Variants in PLEKHM2 observed in about 807,000 individuals in gnomAD.
PLEKHM2 encodes pleckstrin homology and RUN domain containing M2.
A neutral mutation model predicts 116.3 loss-of-function variants in PLEKHM2; 77 were observed. The observed-to-expected ratio is 0.66, with a 90% CI of 0.55 to 0.80. The LOEUF (loss-of-function observed/expected upper bound fraction) is 0.80, where lower values mean the gene tolerates loss of function less well. Among genes scored for constraint, PLEKHM2 ranks in the 30% least tolerant of loss-of-function variants. The pLI is 0.00. For missense variants in PLEKHM2, 1,183 were observed against 1,354.9 expected (o/e 0.87, Z 1.99); for synonymous variants, 562 against 571.0 (o/e 0.98, Z 0.22).
At chr1:15,704,611 C>T (rs1641184040) in intron 1 of PLEKHM2, among the ~76,000 whole-genome samples, 1 of 152,218 alleles carries the variant, frequency 6.6e-6, no homozygotes, top group Non-Finnish European at 1.5e-5. Flanking sequence ...GTTCCAGCTG[C>T]CTCATCACTG....
rs1259078265 is a variant in PLEKHM2 at position 15,729,809 on chromosome 1, T to G, written c.2088T>G (p.Ala696=). ...ADVALAEFFL[A]SLKSAMIKGC... ...ACTCCCTATGCAGGTTCTTTTTGGC[T>G]TCTTTGAAGTCAGCCATGATCAAAG... The change falls in exon 14 of 20, where the codon GCT becomes GCG. Residue 696 remains alanine, a synonymous_variant. Transcript: ENST00000375799. This position sits in a 1 kb window ranked among gnomAD's most constrained non-coding sequence, Gnocchi z 4.7. The G allele has an allele frequency of 3.7e-6, 6 of 1,612,162 alleles. No individual in the cohort carries two copies. Among genetic ancestry groups the G allele is most frequent in the Non-Finnish European group, 5.1e-6 (6 of 1,179,262 alleles).
In PLEKHM2 at chr1:15,728,914, C is replaced by T. The variant is rs1257990009; in HGVS notation, c.1986+181C>T. Among the ~76,000 whole-genome samples, 2 of 152,216 alleles carry T rather than the reference C, an allele frequency of 1.3e-5. No individual in the cohort carries two copies. Among genetic ancestry groups the T allele is most frequent in the African/African-American group, 4.8e-5 (2 of 41,448 alleles). Reference sequence around the variant, plus strand: ...GGGTAAGAACCAAGCTTGAGGTTGCCTCTTCCCGTGCTAGACTTCTGACCG... The same window carrying T: ...GGGTAAGAACCAAGCTTGAGGTTGCTTCTTCCCGTGCTAGACTTCTGACCG... On this transcript the variant is annotated intron_variant, in intron 12 of 19. Transcript: ENST00000375799. The surrounding 1 kb of genome is among the most constrained non-coding windows in gnomAD (Gnocchi z 5.9).
At chr1:15,714,539 G>T (rs966424538) in intron 1 of PLEKHM2, among the ~76,000 whole-genome samples, 1 of 152,136 alleles carries the variant, frequency 6.6e-6, no homozygotes, top group Non-Finnish European at 1.5e-5. Flanking sequence ...GGGAAGGGAA[G>T]ACCCTGCAGG....
At position 15,730,635 on chromosome 1, in the gene PLEKHM2, C is replaced by A; in HGVS notation, c.2312C>A (p.Thr771Asn). ...TGCCACTGCTCACCCCCCGAGGGCA[C>A]CATCACCAAAGAAGGCATGCTGCAC... ...TPCHCSPPEG[T>N]ITKEGMLHYK... is the part of the protein sequence containing the mutation. The change falls in exon 15 of 20, where the codon ACC (threonine) becomes AAC (asparagine). Residue 771 changes from threonine (T) to asparagine (N), a missense_variant. By Grantham distance (65) the Thr-to-Asn change is moderately conservative (BLOSUM62 0). This residue lies in a region of PLEKHM2 where 594 missense variants were observed against 720.1 expected (regional missense o/e 0.82). Coordinates refer to ENST00000375799, the MANE Select transcript of PLEKHM2 (RefSeq NM_015164.4). The A allele has an allele frequency of 6.2e-7, 1 of 1,609,544 alleles. No homozygotes were observed. Among genetic ancestry groups the A allele is most frequent in the East Asian group, 2.2e-5 (1 of 44,688 alleles).
rs114070786 is a variant in PLEKHM2, at chr1:15,711,093, G to A, written c.61-5144G>A. Among the ~76,000 whole-genome samples, 1,403 of 152,186 alleles carry A rather than the reference G, an allele frequency of 9.2e-3. 22 individuals carry two copies. Among genetic ancestry groups the A allele is most frequent in the African/African-American group, 0.032 (1,342 of 41,490 alleles). On this transcript the variant is annotated intron_variant, in intron 1 of 19. Coordinates refer to ENST00000375799, the MANE Select transcript of PLEKHM2 (RefSeq NM_015164.4). ...ATAAGGGAACCTGGCCGGGCATGAC[G>A]GCTCACCCCTGTAATCCTAGCATTT...
intron 1 of PLEKHM2, among the ~76,000 whole-genome samples, chr1:15,693,910 G>A (rs950676824): frequency 6.6e-6 from 1 of 152,128 alleles, no homozygotes; most frequent in Non-Finnish European, 1.5e-5. Context: ...TCCTACCTCA[G>A]GAGTCTCCAG....
intron 1 of PLEKHM2, among the ~76,000 whole-genome samples, chr1:15,713,056 C>G (rs1641368243): frequency 1.3e-5 from 2 of 152,184 alleles, no homozygotes; most frequent in Admixed American, 6.5e-5. Flanking sequence ...CTGCCTTGGC[C>G]TCCCAAAGTG....
rs1282941562 is a variant in PLEKHM2 at position 15,719,470 on chromosome 1, T to A, written c.466-264T>A. On this transcript the variant is annotated intron_variant, in intron 5 of 19. Coordinates refer to ENST00000375799, the MANE Select transcript of PLEKHM2 (RefSeq NM_015164.4). The surrounding 1 kb of genome is among the most constrained non-coding windows in gnomAD (Gnocchi z 4.1). ...TGTCTCAAAAAAAAAAATAAATAAA[T>A]AGAGAGAGAGAGAGATAGCGGGGGC... Among the ~76,000 whole-genome samples, 1 of 150,420 alleles carries A rather than the reference T, an allele frequency of 6.6e-6. No homozygotes were observed.
At chr1:15,720,159 A>T (rs1426720383) in intron 6 of PLEKHM2, among the ~76,000 whole-genome samples, 2 of 149,822 alleles carry the variant, frequency 1.3e-5, no homozygotes, top group East Asian at 4.0e-4. Flanking sequence ...TAAAATATAT[A>T]TTTTTTAAGG....
At position 15,733,817 on chromosome 1, in the gene PLEKHM2, G is replaced by A. The variant is rs748348211; in HGVS notation, c.2943G>A (p.Ala981=). 1.5e-5 allele frequency: 24 copies of A among 1,613,010 alleles called. No individual in the cohort carries two copies. The highest frequency in any genetic ancestry group is 9.9e-5 in the South Asian group (9 of 91,072). ...TIYQVDLPHT[A]IQEASNKKKF... is the part of the protein sequence containing the mutation. ...CACAGGTGGACCTCCCCCACACGGC[G>A]ATCCAGGAAGCCTCCAACAAGAAGA... is the stretch of plus-strand genomic sequence containing the variant. The change falls in exon 20 of 20, where the codon GCG becomes GCA. Residue 981 remains alanine (A), a synonymous_variant. Transcript: ENST00000375799.
In PLEKHM2 at chr1:15,728,672, C is replaced by T; in HGVS notation, c.1925C>T (p.Ala642Val). The change falls in exon 12 of 20, where the codon GCC becomes GTC. Residue 642 changes from alanine (A) to valine (V), a missense_variant. Ala to Val is a moderately conservative substitution (Grantham distance 64). Around this residue, in one of 3 missense-constraint regions of PLEKHM2, gnomAD observed 594 missense variants for 720.1 expected, o/e 0.82. Transcript: ENST00000375799. This position sits in a 1 kb window ranked among gnomAD's most constrained non-coding sequence, Gnocchi z 5.9. ...GCCTTGGGGTTTCCTCTCTCAGGGG[C>T]CACAGAGAAGCCATACCTGGTGGAA... Reference protein sequence around the residue: ...DCYVYLLRKGATEKPYLVEEA... With the variant: ...DCYVYLLRKGVTEKPYLVEEA... 6.2e-7 allele frequency: 1 copy of T among 1,609,588 alleles called. No individual in the cohort carries two copies. The highest frequency in any genetic ancestry group is 1.1e-5 in the South Asian group (1 of 90,194).
In PLEKHM2 at chr1:15,729,922, A is replaced by C; in HGVS notation, c.2201A>C (p.Lys734Thr). The C allele has an allele frequency of 6.2e-7, 1 of 1,611,380 alleles. No individual in the cohort carries two copies. The highest frequency in any genetic ancestry group is 1.7e-5 in the Admixed American group (1 of 59,852). The change falls in exon 14 of 20, where the codon AAG (lysine) becomes ACG (threonine). Residue 734 changes from lysine to threonine, a missense_variant. Lys to Thr is a moderately conservative substitution (Grantham distance 78). Transcript: ENST00000375799. The surrounding 1 kb of genome is among the most constrained non-coding windows in gnomAD (Gnocchi z 4.7). Reference sequence around the variant, plus strand: ...GCCAAATTTGTGGCCCAAGAATCGAAGTGTGAGGTAAGAACCTGGGGAGGA... The same window carrying C: ...GCCAAATTTGTGGCCCAAGAATCGACGTGTGAGGTAAGAACCTGGGGAGGA... Reference protein sequence around the residue: ...ALAKFVAQESKCEASAVTVRF... With the variant: ...ALAKFVAQESTCEASAVTVRF...
In PLEKHM2 at chr1:15,728,488, A is replaced by C; in HGVS notation, c.1921+131A>C. The C allele has an allele frequency of 1.0e-6, 1 of 982,618 alleles. No homozygotes were observed. The highest frequency in any genetic ancestry group is 1.5e-6 in the Non-Finnish European group (1 of 654,888). The allele number at this position is 982,618 out of a possible 1,614,324, so 60.9% of individuals were successfully genotyped here. ...CAGTGATGGAAAGGCACCCCAAGGA[A>C]GGTGTTGCCAGCAGCCCTGAGACGT... is the stretch of plus-strand genomic sequence containing the variant. On this transcript the variant is annotated intron_variant, in intron 11 of 19. Transcript: ENST00000375799. The surrounding 1 kb of genome is among the most constrained non-coding windows in gnomAD (Gnocchi z 5.9).
Position 15,721,258 on chromosome 1 carries a change from C to A in PLEKHM2, c.653-71C>A. On this transcript the variant is annotated intron_variant, in intron 6 of 19. Transcript: ENST00000375799. The surrounding 1 kb of genome is among the most constrained non-coding windows in gnomAD (Gnocchi z 5.1). ...TCCCCATGTCTCCCACCCCATTTCC[C>A]CTCCCCTCCCTCCAGTCATCCTTCC... The A allele has an allele frequency of 1.1e-6, 1 of 870,608 alleles. No homozygotes were observed. The allele number at this position is 870,608 out of a possible 1,614,324, so 53.9% of individuals were successfully genotyped here.
intron 1 of PLEKHM2, among the ~76,000 whole-genome samples, chr1:15,685,866 T>C (rs897355410): frequency 6.6e-6 from 1 of 152,180 alleles, no homozygotes; most frequent in Non-Finnish European, 1.5e-5. Context: ...TTACTGAGCT[T>C]TGCTAATGTA....
chr1:15,724,207 G>A (rs1029489295), intron 7 of PLEKHM2, among the ~76,000 whole-genome samples: 3 of 152,170 alleles, frequency 2.0e-5, no homozygotes, highest in East Asian at 1.9e-4. Context: ...GTTCTCGGCC[G>A]GGCACGGTGG....
chr1:15,711,483 C>G (rs955387379), intron 1 of PLEKHM2, among the ~76,000 whole-genome samples: 2 of 151,736 alleles, frequency 1.3e-5, no homozygotes, highest in African/African-American at 4.8e-5. Flanking sequence ...CAGGTGTGGT[C>G]GAAGGTGCCT....
At position 15,727,323 on chromosome 1, in the gene PLEKHM2, C is replaced by T. The variant is rs749126712; in HGVS notation, c.1251C>T (p.Leu417=). ...CCCTGAGCAAGGTTATCGACCAGCT[C>T]AACGGGCAGCTGGACCCCAGCACCT... The part of the protein sequence containing the change: ...GQPLSKVIDQ[L]NGQLDPSTWC... The change falls in exon 9 of 20, where the codon CTC becomes CTT. Residue 417 remains leucine (L), a synonymous_variant. Transcript: ENST00000375799. This position sits in a 1 kb window ranked among gnomAD's most constrained non-coding sequence, Gnocchi z 7.5. The T allele has an allele frequency of 1.5e-4, 247 of 1,599,000 alleles. 1 individual carries two copies. The highest frequency in any genetic ancestry group is 1.9e-4 in the Non-Finnish European group (223 of 1,173,744).
At chr1:15,687,278 T>G (rs1172600164) in intron 1 of PLEKHM2, among the ~76,000 whole-genome samples, 1 of 152,080 alleles carries the variant, frequency 6.6e-6, no homozygotes, top group Non-Finnish European at 1.5e-5. Flanking sequence ...GCCATTCTCC[T>G]GCCTCAGCCT....
Sources: allele counts gnomAD v4.1 joint callset (sites outside exome capture counted in the v4.1 genomes callset), GRCh38; gene constraint gnomAD v4.1.1; regional missense constraint gnomAD v4.1.1; non-coding constraint Gnocchi (gnomAD v3.1); transcripts MANE v1.5; gene names NCBI Gene and HGNC (gene_info 2026-07-23, HGNC 2026-07-21).